ZNF451: variants seen among roughly 807,000 people sequenced by gnomAD.
ZNF451 encodes zinc finger protein 451, also known as E3 SUMO-protein ligase ZNF451.
Under a neutral mutation model 107.1 loss-of-function variants are expected in ZNF451, and 80 were observed. The observed-to-expected ratio is 0.75, with a 90% CI of 0.62 to 0.90. ZNF451 has a LOEUF of 0.90. ZNF451 is among the 40% of genes least tolerant of loss of function. The pLI is 0.00. For missense variants in ZNF451, 1,107 were observed against 1,236.2 expected, an observed-to-expected ratio of 0.90 and a Z score of 1.57; for synonymous variants, 362 against 406.5, an observed-to-expected ratio of 0.89 and a Z score of 1.32.
chr6:57,097,719 T>G (rs987964908), intron 2 of ZNF451, among the ~76,000 whole-genome samples: 1 of 152,116 alleles, frequency 6.6e-6, no homozygotes, highest in Non-Finnish European at 1.5e-5. Context: ...AACTCTCAAG[T>G]CTTTATTTCC....
chr6:57,124,884 T>TACGTTTAATATTCTCC (rs765644544), intron 4 of ZNF451, 25 bp downstream of exon 4: 1 of 1,360,232 alleles, frequency 7.4e-7, no homozygotes, highest in Admixed American at 2.9e-5. Flanking sequence ...AATTGGTATT[T>TACGTTTAATATTCTCC]TATATAATTA....
intron 13 of ZNF451, among the ~76,000 whole-genome samples, chr6:57,157,629 T>G (rs1481997404): frequency 2.0e-5 from 3 of 152,204 alleles, no homozygotes; most frequent in Non-Finnish European, 4.4e-5. Context: ...TCTATTAACT[T>G]TAATTTCTGC....
chr6:57,101,629 G>C, intron 3 of ZNF451: 1 of 1,550,754 alleles, frequency 6.4e-7, no homozygotes, highest in Non-Finnish European at 8.7e-7. Context: ...ACTCTGGGAA[G>C]ACATGGAAGA....
chr6:57,137,864 T>G (rs1831509750), intron 7 of ZNF451, among the ~76,000 whole-genome samples: 1 of 152,252 alleles, frequency 6.6e-6, no homozygotes, highest in Non-Finnish European at 1.5e-5. Flanking sequence ...ACAGCCTTTG[T>G]GACTAGATTG....
intron 5 of ZNF451, among the ~76,000 whole-genome samples, chr6:57,131,503 GT>G (rs1228759500): frequency 1.3e-5 from 2 of 152,156 alleles, no homozygotes; most frequent in African/African-American, 4.8e-5. Flanking sequence ...CATTAAGAAT[GT>G]TAAAGTATAT....
chr6:57,139,584 TAAC>T (rs1464230283), intron 7 of ZNF451, among the ~76,000 whole-genome samples: 1 of 152,212 alleles, frequency 6.6e-6, no homozygotes, highest in Admixed American at 6.5e-5. Context: ...TAAAGACCAT[TAAC>T]AAGAAGTTAA....
Position 57,150,814 on chromosome 6 carries a change from C to T in ZNF451, c.2704C>T (p.His902Tyr), listed in dbSNP as rs757004583. 2.2e-5 allele frequency: 36 copies of T among 1,613,840 alleles called. No individual in the cohort carries two copies. The highest frequency in any genetic ancestry group is 2.8e-5 in the Non-Finnish European group (33 of 1,179,974). ...DFDNWSNFFG[H>Y]LPGHLNQGTF... The stretch of plus-strand genomic sequence containing the variant: ...TGATAACTGGTCAAACTTTTTTGGT[C>T]ATCTACCAGGGCATCTAAACCAAGG... The change falls in exon 11 of 15, where the codon CAT becomes TAT. Residue 902 changes from histidine to tyrosine, a missense_variant. By Grantham distance (83) the His-to-Tyr change is moderately conservative (BLOSUM62 2). Around this residue, in one of 5 missense-constraint regions of ZNF451, gnomAD observed 608 missense variants for 649.2 expected, o/e 0.94. Coordinates refer to ENST00000370706, the MANE Select transcript of ZNF451 (RefSeq NM_001031623.3).
chr6:57,163,436 C>CTTTTTTGTTTTTTTTTTTTTTTT (rs1763757321), intron 14 of ZNF451, among the ~76,000 whole-genome samples: 1 of 30,332 alleles, frequency 3.3e-5, no homozygotes, highest in Non-Finnish European at 6.1e-5. Flanking sequence ...AATGAATAAA[C>CTTTTTTGTTTTTTTTTTTTTTTT]TTTTTTTTTT....
At chr6:57,159,520 T>A in intron 13 of ZNF451, 5 of 263,894 alleles carry the variant, frequency 1.9e-5, no homozygotes, top group Non-Finnish European at 2.9e-5. Context: ...TAAAACATTA[T>A]AAGAGTTTTT....
intron 3 of ZNF451, chr6:57,105,601 C>G: frequency 2.0e-6 from 2 of 985,348 alleles, no homozygotes; most frequent in Non-Finnish European, 2.4e-6. Context: ...ACCTCCCTCC[C>G]CCTTATTTAA....
At chr6:57,099,841 T>C (rs2127938066) in intron 3 of ZNF451, among the ~76,000 whole-genome samples, 1 of 152,352 alleles carries the variant, frequency 6.6e-6, no homozygotes, top group Non-Finnish European at 1.5e-5. Context: ...TTGTTCAGAG[T>C]GGCCACAAAC....
At chr6:57,101,472 A>G (rs1179171449) in intron 3 of ZNF451, 4 of 1,550,978 alleles carry the variant, frequency 2.6e-6, no homozygotes, top group Non-Finnish European at 3.5e-6. Flanking sequence ...TAGAAGCATT[A>G]GAACACAGCA....
At chr6:57,145,745 A>G (rs1401107764) in intron 9 of ZNF451, among the ~76,000 whole-genome samples, 1 of 152,198 alleles carries the variant, frequency 6.6e-6, no homozygotes. Flanking sequence ...TATTGTCAAT[A>G]GTGCTGCGGT....
chr6:57,094,433 C>A (rs780411140), intron 2 of ZNF451, among the ~76,000 whole-genome samples: 35 of 152,112 alleles, frequency 2.3e-4, no homozygotes, highest in Non-Finnish European at 4.7e-4. Context: ...CCCAGCCTTC[C>A]GAGTAGCTGG....
intron 13 of ZNF451, chr6:57,158,681 A>G: frequency 2.0e-6 from 2 of 985,352 alleles, no homozygotes; most frequent in Non-Finnish European, 2.4e-6. Context: ...AGAAGTTAGT[A>G]TTTTCAGTGT....
chr6:57,105,567 T>G (rs1011069298), intron 3 of ZNF451: 1 of 985,326 alleles, frequency 1.0e-6, no homozygotes, highest in Non-Finnish European at 1.2e-6. Context: ...CACTGTTGAT[T>G]CATTTCAGAA....
At chr6:57,150,607 C>T in intron 10 of ZNF451, 112 bp from the exon 11 acceptor site, 1 of 1,039,268 alleles carries the variant, frequency 9.6e-7, no homozygotes, top group Non-Finnish European at 1.4e-6. Flanking sequence ...AAATGAGTAA[C>T]ATTCAAGGTT....
intron 4 of ZNF451, among the ~76,000 whole-genome samples, chr6:57,127,466 A>T (rs1830984006): frequency 6.6e-6 from 1 of 152,134 alleles, no homozygotes; most frequent in African/African-American, 2.4e-5. Context: ...TTTTCGCCTC[A>T]TTTATCCTTC....
intron 13 of ZNF451, among the ~76,000 whole-genome samples, chr6:57,158,335 TTAAA>T (rs746472405): frequency 1.4e-4 from 22 of 152,024 alleles, no homozygotes; most frequent in Non-Finnish European, 2.8e-4. Flanking sequence ...TTTTTTATTT[TTAAA>T]TAACATTCAG....
Sources: gnomAD v4.1 joint callset for allele counts (sites outside exome capture counted in the v4.1 genomes callset) on GRCh38, gnomAD v4.1.1 for gene constraint, gnomAD v4.1.1 regional missense constraint, MANE v1.5 for transcripts, NCBI Gene and HGNC (gene_info 2026-07-23, HGNC 2026-07-21) for gene names.